Variants in AGBL1 observed in about 807,000 individuals in gnomAD.
The protein encoded by AGBL1 is AGBL carboxypeptidase 1.
In AGBL1, 130 loss-of-function variants were observed where a neutral mutation model predicts 118.9. That is an observed-to-expected ratio of 1.09 (90% CI 0.95 to 1.26). The LOEUF (loss-of-function observed/expected upper bound fraction) is 1.26. Among genes scored for constraint, AGBL1 ranks in the 50% most tolerant of loss-of-function variants. The probability of loss-of-function intolerance (pLI) is 0.00; values close to 1 mark genes in which losing one functional copy is unlikely to be tolerated. For missense variants in AGBL1, 1,584 were observed against 1,298.1 expected, an observed-to-expected ratio of 1.22 and a Z score of -3.38; for synonymous variants, 555 against 478.9, an observed-to-expected ratio of 1.16 and a Z score of -2.08.
chr15:86,245,275 G>T (rs777029789), intron 6 of AGBL1, among the ~76,000 whole-genome samples: 1 of 152,204 alleles, frequency 6.6e-6, no homozygotes, highest in Admixed American at 6.5e-5. Context: ...GTCTTAGGGA[G>T]AAATCTGACT....
intron 23 of AGBL1, among the ~76,000 whole-genome samples, chr15:86,972,591 T>A (rs1430238446): frequency 1.3e-5 from 2 of 152,060 alleles, no homozygotes; most frequent in Admixed American, 6.6e-5. Flanking sequence ...GTTACATAGA[T>A]GCACTGAGCT....
At chr15:86,781,289 C>T (rs2078332440) in intron 22 of AGBL1, among the ~76,000 whole-genome samples, 1 of 152,082 alleles carries the variant, frequency 6.6e-6, no homozygotes, top group Admixed American at 6.5e-5. Context: ...CTCTATATTT[C>T]CTGCCTTCCG....
intron 23 of AGBL1, among the ~76,000 whole-genome samples, chr15:86,979,027 C>T (rs2081202024): frequency 6.6e-6 from 1 of 152,284 alleles, no homozygotes; most frequent in African/African-American, 2.4e-5. Flanking sequence ...GCACAGGCTT[C>T]AGAAAACCTG....
At chr15:86,701,716 C>T (rs1445023771) in intron 22 of AGBL1, among the ~76,000 whole-genome samples, 1 of 140,666 alleles carries the variant, frequency 7.1e-6, no homozygotes, top group Non-Finnish European at 1.6e-5. Flanking sequence ...CTCTGCCTTC[C>T]ACTCCCTTCC....
At chr15:86,267,170 T>C in intron 13 of AGBL1, 94 bp downstream of exon 13, 4 of 972,624 alleles carry the variant, frequency 4.1e-6, no homozygotes, top group Non-Finnish European at 4.8e-6. Flanking sequence ...TGACCTTGCA[T>C]TGGTGGCTTG....
At chr15:86,774,743 C>T (rs1029200453) in intron 22 of AGBL1, among the ~76,000 whole-genome samples, 1 of 151,916 alleles carries the variant, frequency 6.6e-6, no homozygotes. Context: ...AGAAGTGCTA[C>T]AATATGTATC....
intron 1 of AGBL1, among the ~76,000 whole-genome samples, chr15:86,091,148 C>T (rs79590532): frequency 0.015 from 2,247 of 152,150 alleles, 25 homozygotes; most frequent in Non-Finnish European, 0.022. Context: ...AGGAGATTTG[C>T]CTAGCAATAT....
At chr15:86,599,436 T>C (rs1287990918) in intron 21 of AGBL1, among the ~76,000 whole-genome samples, 2 of 152,120 alleles carry the variant, frequency 1.3e-5, no homozygotes, top group Admixed American at 6.6e-5. Flanking sequence ...TTCTTCCTGG[T>C]CTCAATCTCT....
intron 21 of AGBL1, among the ~76,000 whole-genome samples, chr15:86,556,749 T>C (rs2083740323): frequency 6.6e-6 from 1 of 152,312 alleles, no homozygotes; most frequent in Non-Finnish European, 1.5e-5. Flanking sequence ...TATTCTAAGG[T>C]CATCTTTCCA....
At chr15:86,234,254 G>A (rs556357828) in intron 6 of AGBL1, among the ~76,000 whole-genome samples, 17 of 151,974 alleles carry the variant, frequency 1.1e-4, no homozygotes, top group South Asian at 2.1e-4. Context: ...CTCTTACTCC[G>A]AAAGAGTAAG....
chr15:86,618,566 T>C (rs1240885261), intron 21 of AGBL1, among the ~76,000 whole-genome samples: 3 of 152,212 alleles, frequency 2.0e-5, no homozygotes, highest in Non-Finnish European at 2.9e-5. Context: ...AATTAGCTTT[T>C]CCAAATGCCT....
chr15:86,246,496 C>A (rs567505272), intron 6 of AGBL1, among the ~76,000 whole-genome samples: 2 of 152,202 alleles, frequency 1.3e-5, no homozygotes, highest in East Asian at 3.9e-4. Context: ...AAAGAAAACG[C>A]ACATGAAGAG....
intron 21 of AGBL1, among the ~76,000 whole-genome samples, chr15:86,634,901 T>C (rs1252719854): frequency 1.3e-5 from 2 of 152,074 alleles, no homozygotes; most frequent in African/African-American, 4.8e-5. Context: ...AAAAGACATT[T>C]TTTTTCTTTA....
intron 24 of AGBL1, among the ~76,000 whole-genome samples, chr15:86,992,361 A>G (rs990650855): frequency 1.3e-5 from 2 of 152,202 alleles, no homozygotes; most frequent in African/African-American, 2.4e-5. Context: ...CATCGGAACT[A>G]TGTAAGATAC....
At chr15:86,771,461 A>G (rs2078179557) in intron 22 of AGBL1, among the ~76,000 whole-genome samples, 1 of 151,978 alleles carries the variant, frequency 6.6e-6, no homozygotes, top group Non-Finnish European at 1.5e-5. Context: ...CTAGTTTTGA[A>G]TGACTCTGGA....
At chr15:86,589,905 A>G (rs1044785875) in intron 21 of AGBL1, among the ~76,000 whole-genome samples, 11 of 152,156 alleles carry the variant, frequency 7.2e-5, no homozygotes, top group Non-Finnish European at 1.5e-4. Flanking sequence ...GGTTTTAGCT[A>G]TCTTGTATAG....
At chr15:86,437,648 C>T (rs1391480406) in intron 18 of AGBL1, among the ~76,000 whole-genome samples, 1 of 152,172 alleles carries the variant, frequency 6.6e-6, no homozygotes, top group African/African-American at 2.4e-5. Context: ...CTTACAAGAA[C>T]ATCAACAGTT....
intron 17 of AGBL1, among the ~76,000 whole-genome samples, chr15:86,396,351 C>T (rs2081364287): frequency 6.6e-6 from 1 of 151,520 alleles, no homozygotes; most frequent in Non-Finnish European, 1.5e-5. Flanking sequence ...TATGATACTC[C>T]AGCTATCTTC....
intron 1 of AGBL1, among the ~76,000 whole-genome samples, chr15:86,090,371 AG>A (rs1895942217): frequency 6.6e-6 from 1 of 152,252 alleles, no homozygotes; most frequent in South Asian, 2.1e-4. Context: ...TCCCCCTATT[AG>A]ATTCTACTTC....
Sources: allele counts gnomAD v4.1 joint callset (sites outside exome capture counted in the v4.1 genomes callset), GRCh38; gene constraint gnomAD v4.1.1; transcripts MANE v1.5; gene names NCBI Gene and HGNC (gene_info 2026-07-23, HGNC 2026-07-21).